KLRG2: variants seen among roughly 807,000 people sequenced by gnomAD.
KLRG2 encodes the protein killer cell lectin-like receptor subfamily G member 2.
In KLRG2, 39 loss-of-function variants were observed where a neutral mutation model predicts 35.4. That is an observed-to-expected ratio of 1.10 (90% CI 0.85 to 1.44). KLRG2 has a LOEUF of 1.44. Among genes scored for constraint, KLRG2 ranks in the 40% most tolerant of loss-of-function variants. KLRG2 has a pLI of 0.00. For synonymous variants in KLRG2, 283 were observed against 265.8 expected (o/e 1.06, Z -0.63); for missense variants, 632 against 570.9 (o/e 1.11, Z -1.09).
At chr7:139,470,661 C>T (rs1002929933) in intron 3 of KLRG2, among the ~76,000 whole-genome samples, 1 of 152,016 alleles carries the variant, frequency 6.6e-6, no homozygotes, top group Non-Finnish European at 1.5e-5. Flanking sequence ...TGTGGTGGCA[C>T]ATGCCTGTGG....
chr7:139,453,358 G>A lies in KLRG2; in HGVS notation c.*229C>T. On this transcript the variant is annotated 3_prime_UTR_variant, in exon 5 of 5. Coordinates refer to ENST00000340940, the MANE Select transcript of KLRG2 (RefSeq NM_198508.4). Reference sequence around the variant, plus strand: ...TCAAACCGATCATCCACAGAAGCTGGAGACTAATATTGGCACTCAGGCCTG... The same window carrying A: ...TCAAACCGATCATCCACAGAAGCTGAAGACTAATATTGGCACTCAGGCCTG... 1.9e-6 allele frequency: 1 copy of A among 540,140 alleles called. No individual in the cohort carries two copies. Among genetic ancestry groups the A allele is most frequent in the South Asian group, 2.7e-5 (1 of 36,572 alleles). The allele number at this position is 540,140 out of a possible 1,614,324, so 33.5% of individuals were successfully genotyped here. A position where few individuals can be genotyped will look rare whatever the true frequency, so the allele number is the denominator to read the frequency against.
chr7:139,481,484 C>T (rs1035365684), intron 1 of KLRG2, among the ~76,000 whole-genome samples: 2 of 152,218 alleles, frequency 1.3e-5, no homozygotes, highest in African/African-American at 4.8e-5. Flanking sequence ...TGGTGCCTGT[C>T]AGTGGGCTTG....
chr7:139,443,902 G>A, the KLRG2 span, among the ~76,000 whole-genome samples: 4 of 152,312 alleles, frequency 2.6e-5, no homozygotes, highest in South Asian at 8.3e-4. Context: ...AAGGAAGCCA[G>A]TAGTAGCTCA....
Position 139,479,741 on chromosome 7 carries a change from C to G in KLRG2, c.891G>C (p.Trp297Cys), listed in dbSNP as rs773937027. 6.2e-7 allele frequency: 1 copy of G among 1,613,898 alleles called. No individual in the cohort carries two copies. The change falls in exon 3 of 5, where the codon TGG becomes TGC. Residue 297 changes from tryptophan to cysteine, a missense_variant. Transcript: ENST00000340940. ...GARCQQCPPG[W>C]VLSEEHCYYF... ...AGTAACAGTGCTCCTCGGACAACAC[C>G]CAGCCTGGGGGGCACTGCTGGCATC...
At chr7:139,462,000 T>C (rs1352453262) in intron 3 of KLRG2, among the ~76,000 whole-genome samples, 3 of 152,212 alleles carry the variant, frequency 2.0e-5, no homozygotes, top group Non-Finnish European at 2.9e-5. Context: ...ATAAGCGGCC[T>C]CTTTTTACGC....
At chr7:139,441,855 G>A in the KLRG2 span, among the ~76,000 whole-genome samples, 1 of 152,176 alleles carries the variant, frequency 6.6e-6, no homozygotes, top group Non-Finnish European at 1.5e-5. Flanking sequence ...TAGACAGGCT[G>A]CAGCACACAG....
intron 1 of KLRG2, 25 bp downstream of exon 1, chr7:139,482,861 G>A (rs776444827): frequency 2.9e-6 from 4 of 1,376,964 alleles, no homozygotes; most frequent in Non-Finnish European, 1.9e-6. Flanking sequence ...GGCGGCGTCG[G>A]CTGCCGGCGC....
At chr7:139,439,650 A>T in the KLRG2 span, among the ~76,000 whole-genome samples, 394 of 152,148 alleles carry the variant, frequency 2.6e-3, no homozygotes, top group African/African-American at 8.9e-3. Flanking sequence ...TTCCTCCCCA[A>T]TTTCTGGCAC....
chr7:139,451,652 C>A (rs1012039512), downstream of KLRG2, among the ~76,000 whole-genome samples: 3 of 152,136 alleles, frequency 2.0e-5, no homozygotes, highest in Admixed American at 1.3e-4. Flanking sequence ...TCCTCTACTG[C>A]GTGCTGGGAT....
the KLRG2 span, among the ~76,000 whole-genome samples, chr7:139,435,165 T>C: frequency 6.6e-6 from 1 of 152,158 alleles, no homozygotes; most frequent in Non-Finnish European, 1.5e-5. Context: ...TTAAAAAAAC[T>C]TTATTGAGAT....
chr7:139,479,782 C>T lies in KLRG2; in HGVS notation c.860-10G>A, dbSNP rs766752830. 5 of 1,612,384 alleles carry T rather than the reference C, an allele frequency of 3.1e-6. No homozygotes were observed. The East Asian group carries it at 1.1e-4, about 36-fold the overall frequency. ...TGCTGGCATCTGGCTCCTGCAAGCA[C>T]AGAGACTGCTGGTGAGCTGCAGGGT... On this transcript the variant is annotated splice_polypyrimidine_tract_variant and intron_variant, in intron 2 of 4. Transcript: ENST00000340940.
At chr7:139,463,715 GCT>G (rs1263939514) in intron 3 of KLRG2, among the ~76,000 whole-genome samples, 1 of 152,176 alleles carries the variant, frequency 6.6e-6, no homozygotes, top group African/African-American at 2.4e-5. Flanking sequence ...CCGGCCCAAG[GCT>G]CTCTGACTGA....
chr7:139,457,582 G>A (rs1796498819), intron 3 of KLRG2, among the ~76,000 whole-genome samples: 1 of 152,176 alleles, frequency 6.6e-6, no homozygotes, highest in Non-Finnish European at 1.5e-5. Flanking sequence ...TCTGACATGT[G>A]ATGGGCAAAG....
At chr7:139,454,318 A>G in intron 3 of KLRG2, 104 bp from the exon 4 acceptor site, 1 of 674,954 alleles carries the variant, frequency 1.5e-6, no homozygotes. Flanking sequence ...TGGCCAATCC[A>G]GAAGGATCTG....
chr7:139,466,462 C>T (rs567138933), intron 3 of KLRG2, among the ~76,000 whole-genome samples: 1 of 152,256 alleles, frequency 6.6e-6, no homozygotes, highest in African/African-American at 2.4e-5. Flanking sequence ...CTCAAATCCC[C>T]ACCCTTAAGT....
the KLRG2 span, among the ~76,000 whole-genome samples, chr7:139,447,489 C>T: frequency 1.3e-5 from 2 of 151,802 alleles, no homozygotes; most frequent in South Asian, 4.2e-4. Context: ...CAGCTTTCAC[C>T]ACCTGGGTTT....
the KLRG2 span, among the ~76,000 whole-genome samples, chr7:139,437,425 CAAAAAAAA>C: frequency 5.3e-4 from 39 of 73,208 alleles, 1 homozygote; most frequent in Admixed American, 1.3e-3. Context: ...ACTCCATCTC[CAAAAAAAA>C]AAAAAAAAAA....
At chr7:139,432,816 T>A in the KLRG2 span, among the ~76,000 whole-genome samples, 1 of 152,192 alleles carries the variant, frequency 6.6e-6, no homozygotes, top group Admixed American at 6.5e-5. Flanking sequence ...ATTGTTTGTA[T>A]ATCATTTGTA....
intron 1 of KLRG2, among the ~76,000 whole-genome samples, chr7:139,481,593 G>A (rs986801724): frequency 2.0e-5 from 3 of 152,066 alleles, no homozygotes; most frequent in Non-Finnish European, 1.5e-5. Context: ...TACCTAGCAG[G>A]GATCCCTAGC....
Sources: gnomAD v4.1 joint callset for allele counts (sites outside exome capture counted in the v4.1 genomes callset) on GRCh38, gnomAD v4.1.1 for gene constraint, MANE v1.5 for transcripts, NCBI Gene and HGNC (gene_info 2026-07-23, HGNC 2026-07-21) for gene names.